IL4I1: variants seen among roughly 807,000 people sequenced by gnomAD.
The protein encoded by IL4I1 is interleukin 4 induced 1, also known as L-amino-acid oxidase.
IL4I1 carries 24 observed loss-of-function variants against 29.7 expected under a neutral mutation model. The ratio of observed to expected loss-of-function variants is 0.81; its 90% CI spans 0.59 to 1.14. The LOEUF (loss-of-function observed/expected upper bound fraction) is 1.14, where lower values mean the gene tolerates loss of function less well. Ranked by LOEUF, IL4I1 falls within the 50% of genes most tolerant of loss-of-function variation. The probability of loss-of-function intolerance (pLI) is 0.00; values close to 1 mark genes in which losing one functional copy is unlikely to be tolerated. For synonymous variants in IL4I1, 371 were observed against 352.5 expected (o/e 1.05, Z -0.59); for missense variants, 686 against 785.6 (o/e 0.87, Z 1.52).
At chr19:49,917,231 C>G (rs187146347) in intron 2 of IL4I1, among the ~76,000 whole-genome samples, 1 of 152,214 alleles carries the variant, frequency 6.6e-6, no homozygotes, top group Non-Finnish European at 1.5e-5. Flanking sequence ...CCTGCTGAGG[C>G]TCAGACGCCG....
At chr19:49,905,669 T>C (rs953504524) in intron 2 of IL4I1, among the ~76,000 whole-genome samples, 1 of 152,170 alleles carries the variant, frequency 6.6e-6, no homozygotes, top group Non-Finnish European at 1.5e-5. Flanking sequence ...TGATCTCGGC[T>C]CACTGCAACC....
intron 2 of IL4I1, among the ~76,000 whole-genome samples, chr19:49,926,162 C>T (rs1223819439): frequency 3.7e-5 from 5 of 133,938 alleles, no homozygotes; most frequent in Admixed American, 8.6e-5. Context: ...TGAGCTGTGA[C>T]GGTGCCACTG....
intron 6 of IL4I1, 29 bp from the exon 7 acceptor site, chr19:49,891,136 G>T: frequency 6.2e-7 from 1 of 1,604,390 alleles, no homozygotes. Flanking sequence ...CCGAGGTTAG[G>T]GCCCAGGCAG....
chr19:49,898,046 AG>A (rs1425423995), upstream of IL4I1, among the ~76,000 whole-genome samples: 1 of 152,232 alleles, frequency 6.6e-6, no homozygotes, highest in Non-Finnish European at 1.5e-5. Context: ...GACGAGGGCC[AG>A]GGGTGGCTCA....
intron 2 of IL4I1, chr19:49,909,139 C>G (rs769656301): frequency 1.9e-6 from 3 of 1,612,724 alleles, no homozygotes; most frequent in Non-Finnish European, 2.5e-6. Flanking sequence ...TTGCTATTGA[C>G]GCAAAGAGGC....
intron 2 of IL4I1, chr19:49,909,904 A>G (rs2075419912): frequency 7.4e-7 from 1 of 1,354,686 alleles, no homozygotes; most frequent in Admixed American, 1.9e-5. Context: ...AGGAAGTGAC[A>G]TTGTCAGATG....
Position 49,921,592 on chromosome 19 carries a change from G to C in IL4I1, c.-228+6102C>G, listed in dbSNP as rs2075766578. On this transcript the variant is annotated intron_variant, in intron 2 of 9. Coordinates refer to the IL4I1 transcript ENST00000341114. The surrounding 1 kb of genome is among the most constrained non-coding windows in gnomAD (Gnocchi z 5.4). ...GCTCTGTGGTAGGTCAGGAAGAAGAGGGCAAAGGAGTCTGCATCAAACTGG... is the reference window on the plus strand; with the variant it reads ...GCTCTGTGGTAGGTCAGGAAGAAGACGGCAAAGGAGTCTGCATCAAACTGG... Among the ~76,000 whole-genome samples, 1 of 152,202 alleles carries C rather than the reference G, an allele frequency of 6.6e-6. No individual in the cohort carries two copies.
intron 7 of IL4I1, 43 bp downstream of exon 7, chr19:49,890,928 T>TGGGGGGGGGG: frequency 7.9e-6 from 5 of 633,180 alleles, no homozygotes; most frequent in Non-Finnish European, 4.9e-6. Flanking sequence ...TTTCCCTGAT[T>TGGGGGGGGGG]GCCCCCCGCC....
At chr19:49,923,503 G>A (rs1300226388) in intron 2 of IL4I1, among the ~76,000 whole-genome samples, 1 of 152,202 alleles carries the variant, frequency 6.6e-6, no homozygotes, top group East Asian at 1.9e-4. Flanking sequence ...TGCACACGGC[G>A]GATCTGAAAG....
intron 5 of IL4I1, among the ~76,000 whole-genome samples, chr19:49,894,047 C>G (rs2075173167): frequency 6.6e-6 from 1 of 150,722 alleles, no homozygotes; most frequent in African/African-American, 2.5e-5. Context: ...TGTGTAGAAG[C>G]CCCTGGGCTG....
rs2075761652 is a variant in IL4I1, at chr19:49,921,377, T to C, written c.-228+6317A>G. Among the ~76,000 whole-genome samples, 1 of 152,072 alleles carries C rather than the reference T, an allele frequency of 6.6e-6. No homozygotes were observed. The highest frequency in any genetic ancestry group is 1.5e-5 in the Non-Finnish European group (1 of 68,002). On this transcript the variant is annotated intron_variant, in intron 2 of 9. Coordinates refer to the IL4I1 transcript ENST00000341114. The surrounding 1 kb of genome is among the most constrained non-coding windows in gnomAD (Gnocchi z 5.4). ...CACTGCCACCACCATCACCGTCCCC[T>C]GCCTCATCCAGTCCCCCTTCCCATT... is the stretch of plus-strand genomic sequence containing the variant.
chr19:49,900,283 G>A (rs1391172509), upstream of IL4I1, among the ~76,000 whole-genome samples: 1 of 152,172 alleles, frequency 6.6e-6, no homozygotes, highest in African/African-American at 2.4e-5. Flanking sequence ...GAGGGCGCAA[G>A]TCAGCTGGTT....
chr19:49,900,183 A>C (rs936546185), upstream of IL4I1, among the ~76,000 whole-genome samples: 1 of 152,038 alleles, frequency 6.6e-6, no homozygotes, highest in South Asian at 2.1e-4. Flanking sequence ...TTCAGCATGT[A>C]TTACTTTTGT....
chr19:49,903,278 C>G (rs1307261329), intron 3 of IL4I1, among the ~76,000 whole-genome samples: 2 of 152,182 alleles, frequency 1.3e-5, no homozygotes, highest in Admixed American at 1.3e-4. Context: ...CCAGGCTAGT[C>G]CCCATCACGG....
At chr19:49,924,500 C>G (rs1030409436) in intron 2 of IL4I1, among the ~76,000 whole-genome samples, 4 of 152,178 alleles carry the variant, frequency 2.6e-5, no homozygotes, top group Admixed American at 1.3e-4. Flanking sequence ...CTGCCTGCAA[C>G]CACCGCCTCA....
At chr19:49,903,040 G>A (rs548329857) in intron 3 of IL4I1, among the ~76,000 whole-genome samples, 13 of 151,876 alleles carry the variant, frequency 8.6e-5, no homozygotes, top group South Asian at 2.1e-4. Flanking sequence ...GCTTGAACCC[G>A]GGAGGCAGAG....
upstream of IL4I1, chr19:49,901,745 C>A: frequency 6.7e-7 from 1 of 1,495,808 alleles, no homozygotes; most frequent in Non-Finnish European, 9.0e-7. Context: ...ATGATGGTGG[C>A]TTTGTCCTTG....
chr19:49,922,050 G>A (rs949053714), intron 2 of IL4I1, among the ~76,000 whole-genome samples: 8 of 152,164 alleles, frequency 5.3e-5, no homozygotes, highest in Non-Finnish European at 1.2e-4. Flanking sequence ...CCTCAACACA[G>A]ACAACATGAT....
Position 49,921,828 on chromosome 19 carries a change from C to A in IL4I1, c.-228+5866G>T, listed in dbSNP as rs902282637. Reference sequence around the variant, plus strand: ...CAAGCCCGGGTACTTTCCTCCGTGCCCAAGCAACCCTGTAGGAACCACATA... The same window carrying A: ...CAAGCCCGGGTACTTTCCTCCGTGCACAAGCAACCCTGTAGGAACCACATA... On this transcript the variant is annotated intron_variant, in intron 2 of 9. Transcript: ENST00000341114. This position sits in a 1 kb window ranked among gnomAD's most constrained non-coding sequence, Gnocchi z 5.4. 2.6e-5 allele frequency among the ~76,000 whole-genome samples: 4 copies of A among 152,198 alleles called. No homozygotes were observed. The highest frequency in any genetic ancestry group is 9.7e-5 in the African/African-American group (4 of 41,448).
Sources: gnomAD v4.1 joint callset for allele counts (sites outside exome capture counted in the v4.1 genomes callset) on GRCh38, gnomAD v4.1.1 for gene constraint, Gnocchi (gnomAD v3.1) non-coding constraint, MANE v1.5 for transcripts, NCBI Gene and HGNC (gene_info 2026-07-23, HGNC 2026-07-21) for gene names.